The following AHCY variants were observed in gnomAD, a reference collection of about 807,000 sequenced individuals.
AHCY encodes S-adenosyl-L-homocysteine hydrolase.
In AHCY, 24 loss-of-function variants were observed where a neutral mutation model predicts 45.4. That is an observed-to-expected ratio of 0.53 (90% CI 0.38 to 0.74). The LOEUF is 0.74. Ranked by LOEUF, AHCY falls within the 30% of genes least tolerant of loss-of-function variation. AHCY has a pLI of 0.00. For missense variants in AHCY, 449 were observed against 594.1 expected (o/e 0.76, Z 2.54); for synonymous variants, 245 against 235.1 (o/e 1.04, Z -0.39).
chr20:34,269,392 C>T, the AHCY span: 1 of 553,390 alleles, frequency 1.8e-6, no homozygotes, highest in Non-Finnish European at 3.0e-6. Flanking sequence ...TTCTCGGTCC[C>T]TTCGCCACGG....
At chr20:34,252,263 C>G in the AHCY span, among the ~76,000 whole-genome samples, 1 of 152,140 alleles carries the variant, frequency 6.6e-6, no homozygotes, top group African/African-American at 2.4e-5. Context: ...CGCACTGGTG[C>G]CAGTCTCTGA....
the AHCY span, among the ~76,000 whole-genome samples, chr20:34,271,565 CTTTTT>C: frequency 8.1e-6 from 1 of 123,410 alleles, no homozygotes; most frequent in African/African-American, 3.0e-5. Flanking sequence ...TTGAACAAGC[CTTTTT>C]TTTTTTTTTT....
the AHCY span, among the ~76,000 whole-genome samples, chr20:34,239,543 C>T: frequency 5.3e-5 from 8 of 152,182 alleles, no homozygotes; most frequent in Non-Finnish European, 8.8e-5. Flanking sequence ...GGAAAACATT[C>T]ACATTTGTGG....
At position 34,290,508 on chromosome 20, in the gene AHCY, G is replaced by A; in HGVS notation, c.854+43C>T. 3 of 1,613,588 alleles carry A rather than the reference G, an allele frequency of 1.9e-6. No individual in the cohort carries two copies. Among genetic ancestry groups the A allele is most frequent in the Non-Finnish European group, 2.5e-6 (3 of 1,179,520 alleles). On this transcript the variant is annotated intron_variant, in intron 7 of 9. Coordinates refer to ENST00000217426, the MANE Select transcript of AHCY (RefSeq NM_000687.4). This position sits in a 1 kb window ranked among gnomAD's most constrained non-coding sequence, Gnocchi z 4.5. ...AGGGACAGAAAGCTGTCCCAACTCTGCCCTCCTCCCTCACTCCCCGGGACC... is the reference window on the plus strand; with the variant it reads ...AGGGACAGAAAGCTGTCCCAACTCTACCCTCCTCCCTCACTCCCCGGGACC...
chr20:34,232,515 C>A, the AHCY span, among the ~76,000 whole-genome samples: 1 of 152,152 alleles, frequency 6.6e-6, no homozygotes, highest in Admixed American at 6.5e-5. Flanking sequence ...CAAGATGAGA[C>A]AAACCTGCAG....
At chr20:34,310,356 G>A (rs1031032824) in intron 1 of AHCY, among the ~76,000 whole-genome samples, 1 of 152,122 alleles carries the variant, frequency 6.6e-6, no homozygotes, top group Non-Finnish European at 1.5e-5. Context: ...ACCATGCCCG[G>A]CTGATTAATT....
At chr20:34,295,360 C>G (rs1002108071) in intron 2 of AHCY, 35 bp downstream of exon 2, 2 of 1,612,968 alleles carry the variant, frequency 1.2e-6, no homozygotes, top group Non-Finnish European at 1.7e-6. Context: ...CCAGGGAGGG[C>G]AAGGACTCTG....
chr20:34,279,932 G>A (rs753267585), downstream of AHCY, among the ~76,000 whole-genome samples: 1 of 151,986 alleles, frequency 6.6e-6, no homozygotes, highest in East Asian at 1.9e-4. Context: ...GTAAAACCCC[G>A]TCTCTACTAA....
At chr20:34,272,837 T>A in the AHCY span, among the ~76,000 whole-genome samples, 1 of 152,132 alleles carries the variant, frequency 6.6e-6, no homozygotes, top group Admixed American at 6.5e-5. Flanking sequence ...TGATTCATGA[T>A]CACACCACTG....
chr20:34,303,626 A>G (rs924197201), upstream of AHCY, among the ~76,000 whole-genome samples: 3 of 152,234 alleles, frequency 2.0e-5, no homozygotes, highest in African/African-American at 7.2e-5. Flanking sequence ...AAATTCCGCC[A>G]GTTCACTTCC....
downstream of AHCY, among the ~76,000 whole-genome samples, chr20:34,278,710 T>A (rs2035933388): frequency 1.3e-5 from 2 of 152,150 alleles, 1 homozygote; most frequent in South Asian, 4.1e-4. Flanking sequence ...TCTCAGAGCC[T>A]CAGACAGGGG....
At chr20:34,281,887 T>TGAACTCCTGACCTCAGGTGTC (rs966753467) in intron 9 of AHCY, 1 of 154,210 alleles carries the variant, frequency 6.5e-6, no homozygotes, top group Non-Finnish European at 1.4e-5. Context: ...AGGCTGTTCT[T>TGAACTCCTGACCTCAGGTGTC]GAACTCCTGA....
chr20:34,233,437 G>A, the AHCY span, among the ~76,000 whole-genome samples: 23 of 152,122 alleles, frequency 1.5e-4, no homozygotes, highest in Non-Finnish European at 2.5e-4. Flanking sequence ...GTGAGCCACC[G>A]CGCCCGGCCC....
the AHCY span, chr20:34,234,860 C>T: frequency 6.6e-6 from 1 of 152,186 alleles, no homozygotes; most frequent in Non-Finnish European, 1.5e-5. Context: ...AACAGTATGT[C>T]ATGTTATACC....
upstream of AHCY, chr20:34,303,469 AAAG>A (rs2036852672): frequency 2.6e-6 from 2 of 764,784 alleles, no homozygotes; most frequent in Non-Finnish European, 4.3e-6. Context: ...CGATCCCTGA[AAAG>A]AAGCCTCAGA....
At chr20:34,258,525 G>A in the AHCY span, among the ~76,000 whole-genome samples, 17 of 148,080 alleles carry the variant, frequency 1.1e-4, no homozygotes, top group Non-Finnish European at 2.2e-4. Context: ...TAAGCACTGC[G>A]ATCAGTGGGA....
chr20:34,260,956 G>C, the AHCY span, among the ~76,000 whole-genome samples: 1 of 152,170 alleles, frequency 6.6e-6, no homozygotes, highest in African/African-American at 2.4e-5. Flanking sequence ...CTGGAGCCTG[G>C]CATTGGAGAT....
At chr20:34,255,396 A>G in the AHCY span, among the ~76,000 whole-genome samples, 1 of 151,848 alleles carries the variant, frequency 6.6e-6, no homozygotes, top group Non-Finnish European at 1.5e-5. Flanking sequence ...GGTTCAAGCA[A>G]TCCTCCCTCC....
chr20:34,254,762 C>T, the AHCY span, among the ~76,000 whole-genome samples: 1 of 152,146 alleles, frequency 6.6e-6, no homozygotes, highest in African/African-American at 2.4e-5. Flanking sequence ...AAACATCTGA[C>T]CCCAAGAATC....
Sources: allele counts gnomAD v4.1 joint callset (sites outside exome capture counted in the v4.1 genomes callset), GRCh38; gene constraint gnomAD v4.1.1; non-coding constraint Gnocchi (gnomAD v3.1); transcripts MANE v1.5; gene names NCBI Gene and HGNC (gene_info 2026-07-23, HGNC 2026-07-21).